ANKRD44: variants seen among roughly 807,000 people sequenced by gnomAD.
The protein encoded by ANKRD44 is serine/threonine-protein phosphatase 6 regulatory ankyrin repeat subunit B.
Under a neutral mutation model 116.0 loss-of-function variants are expected in ANKRD44, and 35 were observed. The observed-to-expected ratio is 0.30, with a 90% confidence interval of 0.23 to 0.40. The LOEUF (loss-of-function observed/expected upper bound fraction) is 0.40. Ranked by LOEUF, ANKRD44 falls within the 10% of genes least tolerant of loss-of-function variation. The pLI is 1.00. For synonymous variants in ANKRD44, 435 were observed against 461.8 expected, an observed-to-expected ratio of 0.94 and a Z score of 0.74; for missense variants, 1,014 against 1,242.6, an observed-to-expected ratio of 0.82 and a Z score of 2.77.
intron 17 of ANKRD44, among the ~76,000 whole-genome samples, chr2:197,014,709 C>A (rs1021679376): frequency 7.9e-5 from 12 of 151,880 alleles, no homozygotes; most frequent in African/African-American, 2.9e-4. Context: ...TTGCTTGAAC[C>A]CAAGGCGGAG....
At position 197,007,828 on chromosome 2, in the gene ANKRD44, C is replaced by G. The variant is rs1380100763; in HGVS notation, c.2108G>C (p.Gly703Ala). The change falls in exon 20 of 28, where the codon GGA becomes GCA. Residue 703 changes from glycine (G) to alanine (A), a missense_variant. By Grantham distance (60) the Gly-to-Ala change is moderately conservative. Transcript: ENST00000282272. Reference sequence around the variant, plus strand: ...TACCCCTCTGTGTAAAGCTGTGCATCCTAGGATGTCAACAGTGTCTACGTT... The same window carrying G: ...TACCCCTCTGTGTAAAGCTGTGCATGCTAGGATGTCAACAGTGTCTACGTT... ...EANVDTVDIL[G>A]CTALHRGIMT... 6.2e-7 allele frequency: 1 copy of G among 1,613,338 alleles called. No individual in the cohort carries two copies. The highest frequency in any genetic ancestry group is 8.5e-7 in the Non-Finnish European group (1 of 1,179,414).
intron 9 of ANKRD44, among the ~76,000 whole-genome samples, chr2:197,108,865 C>CAAAAAAAA (rs1374709755): frequency 2.0e-4 from 28 of 140,636 alleles, no homozygotes; most frequent in African/African-American, 8.8e-4. Flanking sequence ...ACAACAACAA[C>CAAAAAAAA]AACAACAAAA....
chr2:196,983,236 C>A (rs2075814414), downstream of ANKRD44, among the ~76,000 whole-genome samples: 1 of 151,604 alleles, frequency 6.6e-6, no homozygotes, highest in Admixed American at 6.6e-5. Context: ...AAAATCAGAC[C>A]ACAGCCATTT....
intron 1 of ANKRD44, among the ~76,000 whole-genome samples, chr2:197,278,784 A>G (rs1457841478): frequency 6.6e-6 from 1 of 152,152 alleles, no homozygotes; most frequent in Admixed American, 6.5e-5. Flanking sequence ...TCTCATTGCG[A>G]CACGTAGGTC....
chr2:197,291,029 G>A (rs541328936), intron 1 of ANKRD44, among the ~76,000 whole-genome samples: 1 of 151,804 alleles, frequency 6.6e-6, no homozygotes, highest in African/African-American at 2.4e-5. Flanking sequence ...GGCAACATAG[G>A]GAGACCCTGT....
intron 1 of ANKRD44, among the ~76,000 whole-genome samples, chr2:197,243,227 T>C (rs1020286153): frequency 2.0e-5 from 3 of 152,202 alleles, no homozygotes; most frequent in African/African-American, 7.2e-5. Context: ...GGTGACTGCA[T>C]ATGTAATATG....
intron 27 of ANKRD44, chr2:196,992,735 A>G (rs773262412): frequency 6.6e-5 from 10 of 152,640 alleles, no homozygotes; most frequent in Non-Finnish European, 1.2e-4. Flanking sequence ...ATCAAAACTA[A>G]TAAGAGTTAG....
chr2:197,233,304 G>C (rs994493490), intron 1 of ANKRD44, among the ~76,000 whole-genome samples: 1 of 152,172 alleles, frequency 6.6e-6, no homozygotes, highest in Admixed American at 6.5e-5. Context: ...AGAGCGTTTG[G>C]TAGTGTGGTG....
At chr2:197,016,286 C>G (rs1188562576) in intron 17 of ANKRD44, among the ~76,000 whole-genome samples, 1 of 152,134 alleles carries the variant, frequency 6.6e-6, no homozygotes, top group Non-Finnish European at 1.5e-5. Context: ...GGTATTTTAT[C>G]TGTCGTAGCT....
At position 197,025,225 on chromosome 2, in the gene ANKRD44, C is replaced by G; in HGVS notation, c.1693G>C (p.Gly565Arg). 6.2e-7 allele frequency: 1 copy of G among 1,612,610 alleles called. No individual in the cohort carries two copies. Among genetic ancestry groups the G allele is most frequent in the Non-Finnish European group, 8.5e-7 (1 of 1,178,788 alleles). The stretch of plus-strand genomic sequence containing the variant: ...AAGTGGAGTGGACTCTTAGTAGCAC[C>G]AGAATCTGATTCTTCAAATCCACTG... ...TNSGFEESDS[G>R]ATKSPLHLAA... Residue 565 changes from glycine (G) to arginine (R), a missense_variant, in exon 17 of 28, where the codon GGT (glycine) becomes CGT (arginine). Transcript: ENST00000282272.
At chr2:197,276,887 C>T (rs551586022) in intron 1 of ANKRD44, among the ~76,000 whole-genome samples, 53 of 152,056 alleles carry the variant, frequency 3.5e-4, no homozygotes, top group African/African-American at 1.2e-3. Context: ...AGGCTCCAGC[C>T]TGTCTCATAA....
At chr2:197,033,759 A>C (rs1166160998) in intron 16 of ANKRD44, among the ~76,000 whole-genome samples, 3 of 151,008 alleles carry the variant, frequency 2.0e-5, no homozygotes, top group Admixed American at 2.0e-4. Context: ...AGGAGTGGTT[A>C]GTACTCATCT....
At position 197,005,792 on chromosome 2, in the gene ANKRD44, G is replaced by A. The variant is rs772153043; in HGVS notation, c.2249C>T (p.Thr750Met). 4 of 1,614,290 alleles carry A rather than the reference G, an allele frequency of 2.5e-6. No homozygotes were observed. The highest frequency in any genetic ancestry group is 2.2e-5 in the East Asian group (1 of 44,890). ...LHYAAARGHA[T>M]WLSELLQMAL... ...CATTTGGAGCAGCTCGCTCAGCCAC[G>A]TGGCGTGGCCACGAGCAGCTGCATA... The change falls in exon 21 of 28, where the codon ACG becomes ATG. Residue 750 changes from threonine (T) to methionine (M), a missense_variant. By Grantham distance (81) the Thr-to-Met change is moderately conservative. Transcript: ENST00000282272.
chr2:197,064,908 A>T (rs2077397660), intron 16 of ANKRD44, among the ~76,000 whole-genome samples: 1 of 152,196 alleles, frequency 6.6e-6, no homozygotes, highest in South Asian at 2.1e-4. Flanking sequence ...ACAGAAAGTT[A>T]AAAAGGATAT....
Position 196,988,126 on chromosome 2 carries a change from T to A in ANKRD44, c.*1465A>T. 3.0e-6 allele frequency: 3 copies of A among 985,380 alleles called. No individual in the cohort carries two copies. The highest frequency in any genetic ancestry group is 3.6e-6 in the Non-Finnish European group (3 of 829,920). The allele number at this position is 985,380 out of a possible 1,614,324, so 61.0% of individuals were successfully genotyped here. A position where few individuals can be genotyped will look rare whatever the true frequency, so the allele number is the denominator to read the frequency against. Reference sequence around the variant, plus strand: ...GAGATAACGTCTCATGGTGAGTCACTGCTTTGCTGAAATGATTCTTGTACT... The same window carrying A: ...GAGATAACGTCTCATGGTGAGTCACAGCTTTGCTGAAATGATTCTTGTACT... On this transcript the variant is annotated 3_prime_UTR_variant, in exon 28 of 28. Coordinates refer to ENST00000282272, the MANE Select transcript of ANKRD44 (RefSeq NM_001195144.2).
intron 2 of ANKRD44, among the ~76,000 whole-genome samples, chr2:197,153,653 C>T (rs963060307): frequency 3.9e-5 from 6 of 152,138 alleles, no homozygotes; most frequent in East Asian, 1.9e-4. Context: ...CTCATAAATA[C>T]ACAGAAATAC....
At chr2:197,024,563 C>T (rs2076555439) in intron 17 of ANKRD44, among the ~76,000 whole-genome samples, 1 of 152,218 alleles carries the variant, frequency 6.6e-6, no homozygotes, top group South Asian at 2.1e-4. Flanking sequence ...GGGATCATCA[C>T]TCTGAGCTGT....
chr2:197,246,296 C>T (rs1011678864), intron 1 of ANKRD44, among the ~76,000 whole-genome samples: 2 of 149,858 alleles, frequency 1.3e-5, no homozygotes, highest in African/African-American at 4.9e-5. Context: ...AAGTGATACT[C>T]CCGTCTCAGC....
intron 16 of ANKRD44, among the ~76,000 whole-genome samples, chr2:197,061,313 C>T (rs1490049934): frequency 1.3e-5 from 2 of 152,200 alleles, no homozygotes; most frequent in Non-Finnish European, 2.9e-5. Flanking sequence ...CCCATAAGCT[C>T]AGGTCTGAGT....
Sources: gnomAD v4.1 joint callset for allele counts (sites outside exome capture counted in the v4.1 genomes callset) on GRCh38, gnomAD v4.1.1 for gene constraint, MANE v1.5 for transcripts, NCBI Gene and HGNC (gene_info 2026-07-23, HGNC 2026-07-21) for gene names.